Variants in MAP2K5 observed in about 807,000 individuals in gnomAD.
The protein encoded by MAP2K5 is dual specificity mitogen-activated protein kinase kinase 5.
MAP2K5 carries 49 observed loss-of-function variants against 83.1 expected under a neutral mutation model. The ratio of observed to expected loss-of-function variants is 0.59; its 90% CI spans 0.47 to 0.75. MAP2K5 has a LOEUF of 0.75. Among genes scored for constraint, MAP2K5 ranks in the 30% least tolerant of loss-of-function variants. The probability of loss-of-function intolerance (pLI) is 0.00; values close to 1 mark genes in which losing one functional copy is unlikely to be tolerated. For synonymous variants in MAP2K5, 202 were observed against 191.8 expected (o/e 1.05, Z -0.44); for missense variants, 457 against 557.5 (o/e 0.82, Z 1.82).
chr15:67,670,801 A>G (rs568038177), intron 13 of MAP2K5, among the ~76,000 whole-genome samples: 2 of 152,166 alleles, frequency 1.3e-5, no homozygotes, highest in Non-Finnish European at 2.9e-5. Flanking sequence ...CAGGGAAGGA[A>G]GGATAGTGGG....
intron 16 of MAP2K5, among the ~76,000 whole-genome samples, chr15:67,721,981 C>G (rs1461176680): frequency 6.6e-6 from 1 of 152,058 alleles, no homozygotes; most frequent in Admixed American, 6.6e-5. Flanking sequence ...AATAATAAAA[C>G]AAACTAATTG....
At chr15:67,648,248 T>A (rs2086872381) in intron 11 of MAP2K5, among the ~76,000 whole-genome samples, 1 of 152,150 alleles carries the variant, frequency 6.6e-6, no homozygotes, top group African/African-American at 2.4e-5. Context: ...TTTCCTCAAG[T>A]CCTTGGCAAC....
chr15:67,555,576 C>G lies in MAP2K5; in HGVS notation c.184+5494C>G, dbSNP rs2140953483. Among the ~76,000 whole-genome samples, 1 of 151,788 alleles carries G rather than the reference C, an allele frequency of 6.6e-6. No homozygotes were observed. The highest frequency in any genetic ancestry group is 2.1e-4 in the South Asian group (1 of 4,796). ...AATATCTATTACTGTGTTTGCTCAC[C>G]AAAAGGTAGAACCAATCTACACTCA... On this transcript the variant is annotated intron_variant, in intron 2 of 21. Transcript: ENST00000178640. This position sits in a 1 kb window ranked among gnomAD's most constrained non-coding sequence, Gnocchi z 5.2.
intron 1 of MAP2K5, among the ~76,000 whole-genome samples, chr15:67,547,354 G>A (rs2084412966): frequency 6.6e-6 from 1 of 151,798 alleles, no homozygotes; most frequent in African/African-American, 2.4e-5. Flanking sequence ...GCTCAATGAT[G>A]TTTTGGATCT....
intron 16 of MAP2K5, among the ~76,000 whole-genome samples, chr15:67,707,077 G>C (rs1253206528): frequency 6.6e-6 from 1 of 152,056 alleles, no homozygotes; most frequent in Non-Finnish European, 1.5e-5. Context: ...CACCATGCCC[G>C]GATAATTTTT....
At position 67,783,066 on chromosome 15, in the gene MAP2K5, T is replaced by C. The variant is rs527718866; in HGVS notation, c.1242+10314T>C. Among the ~76,000 whole-genome samples, 1 of 152,368 alleles carries C rather than the reference T, an allele frequency of 6.6e-6. No individual in the cohort carries two copies. The highest frequency in any genetic ancestry group is 2.1e-4 in the South Asian group (1 of 4,832). On this transcript the variant is annotated intron_variant, in intron 21 of 21. Transcript: ENST00000178640. The surrounding 1 kb of genome is among the most constrained non-coding windows in gnomAD (Gnocchi z 5.1). ...TTTGTATTGCAGAAGCCTTTTCTAC[T>C]GTTGTGAGACATGGAGAGAAGCCGA... is the stretch of plus-strand genomic sequence containing the variant.
At chr15:67,564,531 A>G (rs925852889) in intron 3 of MAP2K5, among the ~76,000 whole-genome samples, 4 of 152,220 alleles carry the variant, frequency 2.6e-5, no homozygotes, top group Non-Finnish European at 5.9e-5. Flanking sequence ...GTAGGAGAAT[A>G]GAGAACAAGA....
chr15:67,624,028 G>A (rs1360775658), intron 8 of MAP2K5, among the ~76,000 whole-genome samples: 1 of 151,794 alleles, frequency 6.6e-6, no homozygotes, highest in Non-Finnish European at 1.5e-5. Flanking sequence ...CTGACAGTCA[G>A]GTTCACATGT....
chr15:67,740,708 C>G lies in MAP2K5; in HGVS notation c.1075-7523C>G, dbSNP rs552031495. On this transcript the variant is annotated intron_variant, in intron 17 of 21. Coordinates refer to ENST00000178640, the MANE Select transcript of MAP2K5 (RefSeq NM_145160.3). ...ACTTCTCGGTCTTCTCTCATTTGAG[C>G]CAACTGTGTGATAAGGCTATCAGAA... Among the ~76,000 whole-genome samples, 5 of 152,158 alleles carry G rather than the reference C, an allele frequency of 3.3e-5. No individual in the cohort carries two copies. In the South Asian group the frequency reaches 8.3e-4, roughly 25 times the overall value.
chr15:67,716,428 T>G (rs766640452), intron 16 of MAP2K5, among the ~76,000 whole-genome samples: 4 of 152,220 alleles, frequency 2.6e-5, no homozygotes, highest in Non-Finnish European at 4.4e-5. Flanking sequence ...ATCTGAAAGA[T>G]AAGAAGGAAC....
intron 11 of MAP2K5, among the ~76,000 whole-genome samples, chr15:67,656,042 A>G (rs1349154666): frequency 6.6e-6 from 1 of 152,250 alleles, no homozygotes; most frequent in African/African-American, 2.4e-5. Context: ...TATACTTTTC[A>G]ACTTCAGAAT....
At chr15:67,788,714 T>C (rs538147605) in intron 21 of MAP2K5, among the ~76,000 whole-genome samples, 1 of 152,304 alleles carries the variant, frequency 6.6e-6, no homozygotes, top group African/African-American at 2.4e-5. Flanking sequence ...TGGTGGATCA[T>C]GCTTAATTCT....
chr15:67,678,227 C>G (rs1452627468), intron 13 of MAP2K5, among the ~76,000 whole-genome samples: 1 of 152,002 alleles, frequency 6.6e-6, no homozygotes, highest in Non-Finnish European at 1.5e-5. Flanking sequence ...AATGAAAGAG[C>G]ATTGCTGAAG....
At chr15:67,571,992 A>G (rs1381910024) in intron 3 of MAP2K5, among the ~76,000 whole-genome samples, 1 of 152,234 alleles carries the variant, frequency 6.6e-6, no homozygotes, top group African/African-American at 2.4e-5. Context: ...GTGGGAAGAC[A>G]AGAAAAACTC....
chr15:67,589,815 G>GTA (rs2141008765), intron 6 of MAP2K5, among the ~76,000 whole-genome samples: 1 of 141,800 alleles, frequency 7.1e-6, no homozygotes, highest in African/African-American at 2.6e-5. Context: ...GTGTGTGTGT[G>GTA]TATAAGAGAT....
chr15:67,633,162 C>T (rs1035555889), intron 9 of MAP2K5, among the ~76,000 whole-genome samples: 2 of 152,208 alleles, frequency 1.3e-5, no homozygotes, highest in East Asian at 3.8e-4. Flanking sequence ...CTCTGTTGTA[C>T]ACCTTGGCAT....
At position 67,760,142 on chromosome 15, in the gene MAP2K5, T is replaced by C. The variant is rs981102237; in HGVS notation, c.1135-9460T>C. Among the ~76,000 whole-genome samples, 1 of 152,360 alleles carries C rather than the reference T, an allele frequency of 6.6e-6. No homozygotes were observed. Among genetic ancestry groups the C allele is most frequent in the East Asian group, 1.9e-4 (1 of 5,188 alleles). On this transcript the variant is annotated intron_variant, in intron 19 of 21. Transcript: ENST00000178640. The surrounding 1 kb of genome is among the most constrained non-coding windows in gnomAD (Gnocchi z 4.1). ...GGTTAGCATTAAGGCCAGGATTCCT[T>C]TAGTAATTACTTTTTCTATTGGTAA...
intron 13 of MAP2K5, among the ~76,000 whole-genome samples, chr15:67,678,861 G>C (rs1343692970): frequency 6.6e-6 from 1 of 151,760 alleles, no homozygotes; most frequent in Non-Finnish European, 1.5e-5. Context: ...CTACTCAGGA[G>C]GCTGAGGCAG....
intron 21 of MAP2K5, among the ~76,000 whole-genome samples, chr15:67,787,707 A>G (rs1374282581): frequency 6.6e-6 from 1 of 152,238 alleles, no homozygotes; most frequent in Non-Finnish European, 1.5e-5. Flanking sequence ...TTATTTTAAT[A>G]TTGTAGTCAG....
Sources: allele counts gnomAD v4.1 joint callset (sites outside exome capture counted in the v4.1 genomes callset), GRCh38; gene constraint gnomAD v4.1.1; non-coding constraint Gnocchi (gnomAD v3.1); transcripts MANE v1.5; gene names NCBI Gene and HGNC (gene_info 2026-07-23, HGNC 2026-07-21).